SMAD2: variants seen among roughly 807,000 people sequenced by gnomAD.
SMAD2 encodes the protein SMAD family member 2, also known as MAD homolog 2.
SMAD2 carries 8 observed loss-of-function variants against 64.4 expected under a neutral mutation model. The ratio of observed to expected loss-of-function variants is 0.12; its 90% confidence interval spans 0.07 to 0.22. SMAD2 has a LOEUF of 0.22. Among genes scored for constraint, SMAD2 ranks in the 10% least tolerant of loss-of-function variants. The pLI is 1.00. For synonymous variants in SMAD2, 203 were observed against 195.8 expected (o/e 1.04, Z -0.31); for missense variants, 289 against 561.2 (o/e 0.51, Z 4.90).
chr18:47,892,998 A>G (rs1314758691), intron 2 of SMAD2, among the ~76,000 whole-genome samples: 2 of 152,206 alleles, frequency 1.3e-5, no homozygotes, highest in South Asian at 2.1e-4. Context: ...ACTGTGGATA[A>G]TAATATATTG....
At position 47,838,677 on chromosome 18, in the gene SMAD2, C is replaced by T. The variant is rs1913661555; in HGVS notation, c.*3150G>A. ...CCAGTGGTTATAAAGACTTTCTGAG[C>T]TTCTTTTTAAAGCAATGAAACTCTT... is the stretch of plus-strand genomic sequence containing the variant. On this transcript the variant is annotated 3_prime_UTR_variant, in exon 11 of 11. Coordinates refer to ENST00000262160, the MANE Select transcript of SMAD2 (RefSeq NM_005901.6). The T allele has an allele frequency of 4.3e-6, 1 of 232,776 alleles. No homozygotes were observed. Among genetic ancestry groups the T allele is most frequent in the African/African-American group, 2.2e-5 (1 of 45,424 alleles). The allele number at this position is 232,776 out of a possible 1,614,324, so 14.4% of individuals were successfully genotyped here.
chr18:47,923,903 A>G (rs1217638042), intron 1 of SMAD2, among the ~76,000 whole-genome samples: 1 of 152,158 alleles, frequency 6.6e-6, no homozygotes, highest in Non-Finnish European at 1.5e-5. Flanking sequence ...CATTTTTTAA[A>G]AAAAAGTTTA....
Position 47,835,311 on chromosome 18 carries a change from G to C in SMAD2, c.*6516C>G, listed in dbSNP as rs901913130. 1 of 207,292 alleles carries C rather than the reference G, an allele frequency of 4.8e-6. No homozygotes were observed. Among genetic ancestry groups the C allele is most frequent in the African/African-American group, 2.3e-5 (1 of 43,872 alleles). The allele number at this position is 207,292 out of a possible 1,614,324, so 12.8% of individuals were successfully genotyped here. ...CTCATGCATGTTACCTACTTGTCATGTGTGAATTATTTCTCACAATTTTAA... is the reference window on the plus strand; with the variant it reads ...CTCATGCATGTTACCTACTTGTCATCTGTGAATTATTTCTCACAATTTTAA... On this transcript the variant is annotated 3_prime_UTR_variant, in exon 11 of 11. Coordinates refer to ENST00000262160, the MANE Select transcript of SMAD2 (RefSeq NM_005901.6).
At chr18:47,909,918 C>T (rs1273088737) in intron 1 of SMAD2, among the ~76,000 whole-genome samples, 1 of 151,996 alleles carries the variant, frequency 6.6e-6, no homozygotes, top group Non-Finnish European at 1.5e-5. Flanking sequence ...TCATAAGGAC[C>T]TTTAAGGCTC....
intron 1 of SMAD2, among the ~76,000 whole-genome samples, chr18:47,897,332 G>A (rs914111818): frequency 2.6e-5 from 4 of 152,150 alleles, no homozygotes; most frequent in East Asian, 1.9e-4. Flanking sequence ...AACAGAGTCC[G>A]TGGAGAAAAG....
intron 6 of SMAD2, among the ~76,000 whole-genome samples, chr18:47,857,626 A>G (rs2030826336): frequency 1.3e-5 from 2 of 152,186 alleles, no homozygotes; most frequent in Admixed American, 1.3e-4. Flanking sequence ...ATTTACAGAG[A>G]GGGATGAGCT....
At position 47,822,902 on chromosome 18, in the gene SMAD2, C is replaced by T. The variant is rs1598723560; in HGVS notation, c.*18925G>A. On this transcript the variant is annotated 3_prime_UTR_variant, in exon 11 of 11. Transcript: ENST00000262160. ...GGGAGGTTTCACTATGTTGGCCAGG[C>T]TGGTTTCAAACTCCTGACCTCAGGT... The T allele has an allele frequency of 6.6e-6, 1 of 152,208 alleles. No individual in the cohort carries two copies. The highest frequency in any genetic ancestry group is 2.4e-5 in the African/African-American group (1 of 41,428). 9.4% of individuals were successfully genotyped at this position (152,208 alleles called of 1,614,324 possible). A position where few individuals can be genotyped will look rare whatever the true frequency, so the allele number is the denominator to read the frequency against.
At position 47,814,220 on chromosome 18, in the gene SMAD2, C is replaced by G. The variant is rs757042125; in HGVS notation, c.*27607G>C. ...TTTCCAATAAAGGTAAGCCCTGAAG[C>G]CTGACAGTCACAGGAAAGGAGAGGG... is the stretch of plus-strand genomic sequence containing the variant. On this transcript the variant is annotated 3_prime_UTR_variant, in exon 11 of 11. Transcript: ENST00000262160. The G allele has an allele frequency of 1.3e-5, 2 of 152,132 alleles. No individual in the cohort carries two copies. The highest frequency in any genetic ancestry group is 2.9e-5 in the Non-Finnish European group (2 of 68,026). The allele number at this position is 152,132 out of a possible 1,614,324, so 9.4% of individuals were successfully genotyped here.
intron 10 of SMAD2, among the ~76,000 whole-genome samples, chr18:47,842,220 C>T (rs1914021822): frequency 6.6e-6 from 1 of 152,220 alleles, no homozygotes; most frequent in African/African-American, 2.4e-5. Context: ...CAAAATGGAA[C>T]ACCTGAGAGA....
chr18:47,842,517 C>T (rs765394914), intron 10 of SMAD2, among the ~76,000 whole-genome samples: 2 of 150,976 alleles, frequency 1.3e-5, no homozygotes, highest in Non-Finnish European at 3.0e-5. Context: ...TCTAGCCTGG[C>T]GACAGAGTGA....
In SMAD2 at chr18:47,828,935, T is replaced by TTAA. The variant is rs1555639812; in HGVS notation, c.*12891_*12892insTTA. ...ACACCCAAGAATGATCAATAAATAC[T>TTAA]AAAAAAAAAAAAAAAAAAAAAAAAA... On this transcript the variant is annotated 3_prime_UTR_variant, in exon 11 of 11. Transcript: ENST00000262160. 9.2e-5 allele frequency: 3 copies of TTAA among 32,486 alleles called. No homozygotes were observed. Among genetic ancestry groups the TTAA allele is most frequent in the Admixed American group, 4.7e-4 (1 of 2,126 alleles). The allele number at this position is 32,486 out of a possible 1,614,324, so 2.0% of individuals were successfully genotyped here. A position where few individuals can be genotyped will look rare whatever the true frequency, so the allele number is the denominator to read the frequency against.
chr18:47,902,606 G>A (rs747952), intron 1 of SMAD2, among the ~76,000 whole-genome samples: 86,702 of 152,026 alleles, frequency 0.57, 25,088 homozygotes, highest in East Asian at 0.82. Context: ...TGTCAGTTAT[G>A]TATTATCAGA....
intron 1 of SMAD2, among the ~76,000 whole-genome samples, chr18:47,925,150 A>C (rs977566286): frequency 4.6e-5 from 7 of 152,232 alleles, no homozygotes; most frequent in Admixed American, 1.3e-4. Flanking sequence ...ACTAAACAGA[A>C]GCAACTAAAG....
In SMAD2 at chr18:47,840,971, C is replaced by T. The variant is rs1332332628; in HGVS notation, c.*856G>A. ...TGGGCATAAGACAAAGGGACTTTCT[C>T]CATATGAATTCTTACTGTATCCCAG... is the stretch of plus-strand genomic sequence containing the variant. On this transcript the variant is annotated 3_prime_UTR_variant, in exon 11 of 11. Coordinates refer to ENST00000262160, the MANE Select transcript of SMAD2 (RefSeq NM_005901.6). 2 of 232,366 alleles carry T rather than the reference C, an allele frequency of 8.6e-6. No homozygotes were observed. The highest frequency in any genetic ancestry group is 1.7e-5 in the Non-Finnish European group (2 of 117,604). 14.4% of individuals were successfully genotyped at this position (232,366 alleles called of 1,614,324 possible).
chr18:47,872,274 T>C (rs2031981133), intron 2 of SMAD2, among the ~76,000 whole-genome samples: 1 of 152,172 alleles, frequency 6.6e-6, no homozygotes, highest in African/African-American at 2.4e-5. Context: ...AATCATTGCC[T>C]GTTTACATAA....
At chr18:47,864,290 A>C (rs1307993728) in intron 6 of SMAD2, among the ~76,000 whole-genome samples, 1 of 152,176 alleles carries the variant, frequency 6.6e-6, no homozygotes, top group Non-Finnish European at 1.5e-5. Context: ...TTTAAACAAG[A>C]GAATTATTGT....
intron 6 of SMAD2, among the ~76,000 whole-genome samples, chr18:47,853,698 C>T (rs985732914): frequency 6.6e-6 from 1 of 152,054 alleles, no homozygotes; most frequent in African/African-American, 2.4e-5. Context: ...ACAGTACGGT[C>T]TTCCACAACA....
At chr18:47,885,160 CACACACACACACACACACACACATAT>C (rs2032825333) in intron 2 of SMAD2, among the ~76,000 whole-genome samples, 1 of 147,346 alleles carries the variant, frequency 6.8e-6, no homozygotes, top group African/African-American at 2.5e-5. Context: ...CACACACACA[CACACACACACACACACACACACATAT>C]ACCCTCCCCC....
chr18:47,909,863 T>C (rs1309870891), intron 1 of SMAD2, among the ~76,000 whole-genome samples: 1 of 152,128 alleles, frequency 6.6e-6, no homozygotes, highest in Non-Finnish European at 1.5e-5. Context: ...GTCAAAGTGA[T>C]CTACTTGTCC....
Sources: allele counts gnomAD v4.1 joint callset (sites outside exome capture counted in the v4.1 genomes callset), GRCh38; gene constraint gnomAD v4.1.1; transcripts MANE v1.5; gene names NCBI Gene and HGNC (gene_info 2026-07-23, HGNC 2026-07-21).